NDE1: variants seen among roughly 807,000 people sequenced by gnomAD.
The protein encoded by NDE1 is nudE neurodevelopment protein 1, also known as nuclear distribution protein nudE homolog 1.
NDE1 carries 28 observed loss-of-function variants against 43.4 expected under a neutral mutation model. The observed-to-expected ratio is 0.65, with a 90% CI of 0.48 to 0.89. The LOEUF is 0.89. Ranked by LOEUF, NDE1 falls within the 40% of genes least tolerant of loss-of-function variation. The pLI is 0.00. For missense variants in NDE1, 441 were observed against 434.1 expected (o/e 1.02, Z -0.14); for synonymous variants, 184 against 172.0 (o/e 1.07, Z -0.55).
At chr16:15,667,612 T>G (rs1347029104) in intron 3 of NDE1, among the ~76,000 whole-genome samples, 173 bp downstream of exon 3, 2 of 144,998 alleles carry the variant, frequency 1.4e-5, no homozygotes, top group African/African-American at 5.1e-5. Flanking sequence ...GTGCCTCTAG[T>G]GGGTGGTGCT....
chr16:15,685,231 C>T (rs1596608415), intron 4 of NDE1, among the ~76,000 whole-genome samples: 1 of 151,930 alleles, frequency 6.6e-6, no homozygotes, highest in East Asian at 1.9e-4. Context: ...AAGTATTATC[C>T]CTTTGTTGTT....
At chr16:15,655,644 A>G (rs2036724379) in intron 1 of NDE1, among the ~76,000 whole-genome samples, 1 of 152,110 alleles carries the variant, frequency 6.6e-6, no homozygotes, top group East Asian at 1.9e-4. Flanking sequence ...TACCCAAAGG[A>G]CTATAAATCA....
intron 4 of NDE1, chr16:15,684,610 C>T (rs112838719): frequency 1.3e-5 from 2 of 150,668 alleles, no homozygotes; most frequent in African/African-American, 4.9e-5. Flanking sequence ...GTCCCCAGTT[C>T]CCTAGCATTC....
chr16:15,666,772 C>T (rs1348266920), intron 2 of NDE1, among the ~76,000 whole-genome samples: 1 of 152,128 alleles, frequency 6.6e-6, no homozygotes, highest in Non-Finnish European at 1.5e-5. Context: ...AGGCGTGTGC[C>T]ACCATGTCTG....
intron 8 of NDE1, chr16:15,721,662 C>T (rs1422528272): frequency 5.6e-6 from 9 of 1,611,584 alleles, no homozygotes; most frequent in African/African-American, 2.7e-5. Flanking sequence ...GAGGTGACTT[C>T]TAGGCATATC....
chr16:15,715,332 G>T, intron 8 of NDE1: 1 of 1,548,034 alleles, frequency 6.5e-7, no homozygotes, highest in Non-Finnish European at 8.9e-7. Context: ...TGTAGCTGGT[G>T]TGTCACCTGG....
intron 8 of NDE1, among the ~76,000 whole-genome samples, chr16:15,722,518 A>G (rs978560276): frequency 2.6e-5 from 4 of 152,182 alleles, no homozygotes; most frequent in South Asian, 2.1e-4. Context: ...ATCCCACACT[A>G]TGTGTGCCAC....
intron 8 of NDE1, chr16:15,714,866 C>T (rs2040028796): frequency 6.2e-7 from 1 of 1,610,906 alleles, no homozygotes. Flanking sequence ...GTGCTTTTCT[C>T]TGGCCTGAGA....
chr16:15,699,648 C>T (rs1438206914), intron 8 of NDE1: 2 of 1,293,238 alleles, frequency 1.5e-6, no homozygotes, highest in African/African-American at 1.5e-5. Flanking sequence ...TGATGTTCAC[C>T]CTTATAACTC....
rs1307492410 is a variant in NDE1, at chr16:15,667,442, G to A, written c.237+3G>A. 6.2e-7 allele frequency: 1 copy of A among 1,613,680 alleles called. No homozygotes were observed. The highest frequency in any genetic ancestry group is 1.3e-5 in the African/African-American group (1 of 75,004). On this transcript the variant is annotated splice_donor_region_variant and intron_variant, in intron 3 of 8. Transcript: ENST00000396354. ...GCATGGAGCTGGAAACCATCAAGGTGAGGGGCTGAGAGGAAGTGTGCTCAG... is the reference window on the plus strand; with the variant it reads ...GCATGGAGCTGGAAACCATCAAGGTAAGGGGCTGAGAGGAAGTGTGCTCAG...
intron 1 of NDE1, among the ~76,000 whole-genome samples, chr16:15,660,258 G>A (rs944909020): frequency 1.3e-5 from 2 of 151,744 alleles, no homozygotes; most frequent in African/African-American, 2.4e-5. Context: ...CAGGAGGATC[G>A]CTTGAGCCCA....
chr16:15,708,848 CAGAG>C lies in NDE1; in HGVS notation c.947+11994_947+11997del, dbSNP rs747642850. The C allele has an allele frequency of 4.2e-4, 683 of 1,609,690 alleles. No homozygotes were observed. The highest frequency in any genetic ancestry group is 7.4e-4 in the Admixed American group (44 of 59,296). On this transcript the variant is annotated intron_variant, in intron 8 of 8. Transcript: ENST00000396354. Reference sequence around the variant, plus strand: ...TTCCTGTGGGGGGGGCCCTCTGAAACAGAGAGAGAATCCCCGGAGGTTACCATCA... The same window carrying C: ...TTCCTGTGGGGGGGGCCCTCTGAAACAGAGAATCCCCGGAGGTTACCATCA...
At chr16:15,659,191 C>G (rs1224915859) in intron 1 of NDE1, among the ~76,000 whole-genome samples, 4 of 152,100 alleles carry the variant, frequency 2.6e-5, no homozygotes, top group Non-Finnish European at 1.5e-5. Flanking sequence ...GAATTAGGCC[C>G]ACCTCTGTCA....
intron 1 of NDE1, among the ~76,000 whole-genome samples, chr16:15,659,247 T>A (rs1301894570): frequency 1.3e-5 from 2 of 152,048 alleles, no homozygotes; most frequent in Non-Finnish European, 1.5e-5. Context: ...CAGAAGTTAG[T>A]GGTGGTGTCT....
At chr16:15,683,432 C>A (rs1455918744) in intron 4 of NDE1, 3 of 152,132 alleles carry the variant, frequency 2.0e-5, no homozygotes, top group African/African-American at 7.2e-5. Flanking sequence ...CAAGCTCCGC[C>A]TCCCAGGTTC....
At position 15,707,959 on chromosome 16, in the gene NDE1, CAAAAA is replaced by C. The variant is rs59081092; in HGVS notation, c.947+11115_947+11119del. On this transcript the variant is annotated intron_variant, in intron 8 of 8. Coordinates refer to ENST00000396354, the MANE Select transcript of NDE1 (RefSeq NM_017668.3). The stretch of plus-strand genomic sequence containing the variant: ...TGCACTCCAGAGCGAGACTCCGTCT[CAAAAA>C]AAAAAAAAAAAAAAAGCAAAATCCC... Among the ~76,000 whole-genome samples, 53 of 115,942 alleles carry C rather than the reference CAAAAA, an allele frequency of 4.6e-4. No individual in the cohort carries two copies. In the East Asian group the frequency reaches 7.4e-3, roughly 16 times the overall value. The allele number at this position is 115,942 out of a possible 152,430, so 76.1% of individuals were successfully genotyped here.
intron 8 of NDE1, among the ~76,000 whole-genome samples, chr16:15,709,163 A>G (rs2039639012): frequency 6.6e-6 from 1 of 151,616 alleles, no homozygotes. Flanking sequence ...GCTTGTCTCC[A>G]ACTCCTGATG....
chr16:15,699,858 C>T lies in NDE1; in HGVS notation c.947+2998C>T, dbSNP rs572598629. On this transcript the variant is annotated intron_variant, in intron 8 of 8. Coordinates refer to ENST00000396354, the MANE Select transcript of NDE1 (RefSeq NM_017668.3). Reference sequence around the variant, plus strand: ...GAAGCTGAAGGTCTTGGTGTTGGTGCGGAAGTCGTTACCTTTTGTCGTCTT... The same window carrying T: ...GAAGCTGAAGGTCTTGGTGTTGGTGTGGAAGTCGTTACCTTTTGTCGTCTT... 51 of 1,334,848 alleles carry T rather than the reference C, an allele frequency of 3.8e-5. 1 individual carries two copies. In the East Asian group the frequency reaches 1.2e-3, roughly 30 times the overall value. The allele number at this position is 1,334,848 out of a possible 1,614,324, so 82.7% of individuals were successfully genotyped here. A position where few individuals can be genotyped will look rare whatever the true frequency, so the allele number is the denominator to read the frequency against.
chr16:15,677,696 A>T, intron 3 of NDE1, 105 bp from the exon 4 acceptor site: 1 of 1,292,562 alleles, frequency 7.7e-7, no homozygotes, highest in Non-Finnish European at 1.1e-6. Context: ...CAGTCCTCCC[A>T]GTTTAGCCTC....
Sources: gnomAD v4.1 joint callset for allele counts (sites outside exome capture counted in the v4.1 genomes callset) on GRCh38, gnomAD v4.1.1 for gene constraint, MANE v1.5 for transcripts, NCBI Gene and HGNC (gene_info 2026-07-23, HGNC 2026-07-21) for gene names.